AFDN: variants seen among roughly 807,000 people sequenced by gnomAD.
AFDN encodes afadin.
In AFDN, 68 loss-of-function variants were observed where a neutral mutation model predicts 216.6. The observed-to-expected ratio is 0.31, with a 90% CI of 0.26 to 0.38. The LOEUF is 0.38. Among genes scored for constraint, AFDN ranks in the 10% least tolerant of loss-of-function variants. The pLI, the probability that AFDN is intolerant of heterozygous loss-of-function variation, is 1.00. For missense variants in AFDN, 2,136 were observed against 2,342.0 expected, an observed-to-expected ratio of 0.91 and a Z score of 1.82; for synonymous variants, 868 against 853.7, an observed-to-expected ratio of 1.02 and a Z score of -0.29.
At chr6:167,887,350 A>G (rs905321387) in intron 6 of AFDN, among the ~76,000 whole-genome samples, 2 of 144,720 alleles carry the variant, frequency 1.4e-5, no homozygotes, top group Admixed American at 6.7e-5. Flanking sequence ...CTGTTCTGTT[A>G]TTTCCTAACC....
chr6:167,951,739 C>T lies in AFDN; in HGVS notation c.4385C>T (p.Ser1462Phe). 1 of 1,614,148 alleles carries T rather than the reference C, an allele frequency of 6.2e-7. No individual in the cohort carries two copies. The highest frequency in any genetic ancestry group is 8.5e-7 in the Non-Finnish European group (1 of 1,180,016). Residue 1462 changes from serine (S) to phenylalanine (F), a missense_variant, in exon 30 of 34, where the codon TCT becomes TTT. Physicochemically the swap from Ser to Phe is radical, Grantham distance 155. This residue lies in a region of AFDN where 981 missense variants were observed against 966.0 expected (regional missense o/e 1.02). Coordinates refer to ENST00000683244, the MANE Select transcript of AFDN (RefSeq NM_001386888.1). The surrounding 1 kb of genome is among the most constrained non-coding windows in gnomAD (Gnocchi z 7.1). ...RTQSLNPAPF[S>F]PLTAQQMKPE... Reference sequence around the variant, plus strand: ...CAGTCCTTAAACCCTGCTCCGTTTTCTCCCCTGACTGCACAGCAGATGAAG... The same window carrying T: ...CAGTCCTTAAACCCTGCTCCGTTTTTTCCCCTGACTGCACAGCAGATGAAG...
At chr6:167,856,201 A>C (rs1782880557) in intron 1 of AFDN, among the ~76,000 whole-genome samples, 1 of 152,124 alleles carries the variant, frequency 6.6e-6, no homozygotes, top group South Asian at 2.1e-4. Flanking sequence ...GGGCCACAAA[A>C]TGCAAGAGGG....
chr6:167,840,664 A>C (rs1337562639), intron 1 of AFDN, among the ~76,000 whole-genome samples: 1 of 152,208 alleles, frequency 6.6e-6, no homozygotes, highest in Non-Finnish European at 1.5e-5. Context: ...GTGACTGAGA[A>C]GAGTACTATA....
intron 1 of AFDN, among the ~76,000 whole-genome samples, chr6:167,829,679 GT>G (rs950128209): frequency 9.5e-4 from 137 of 144,972 alleles, no homozygotes; most frequent in African/African-American, 3.1e-3. Flanking sequence ...TTCTTTTGTT[GT>G]TTTTTTTTTG....
At chr6:167,849,776 T>TGGTTCTTTTCA (rs1782095960) in intron 1 of AFDN, among the ~76,000 whole-genome samples, 1 of 152,228 alleles carries the variant, frequency 6.6e-6, no homozygotes, top group Admixed American at 6.5e-5. Context: ...CTTCACTGAT[T>TGGTTCTTTTCA]GGTTCTTTTC....
At chr6:167,915,576 A>T (rs1790952249) in intron 19 of AFDN, 143 bp downstream of exon 19, 1 of 932,590 alleles carries the variant, frequency 1.1e-6, no homozygotes, top group East Asian at 2.7e-5. Context: ...AAGTAGTGCT[A>T]TGTGAGTACT....
intron 4 of AFDN, among the ~76,000 whole-genome samples, chr6:167,873,517 G>A (rs1273251840): frequency 6.6e-6 from 1 of 152,106 alleles, no homozygotes; most frequent in Non-Finnish European, 1.5e-5. Flanking sequence ...GAATATCCTT[G>A]TTCTACGACT....
chr6:167,895,925 C>T (rs1246140484), intron 9 of AFDN, among the ~76,000 whole-genome samples: 1 of 152,156 alleles, frequency 6.6e-6, no homozygotes, highest in Non-Finnish European at 1.5e-5. Flanking sequence ...AGACTGACTG[C>T]CATGGCTATG....
chr6:167,911,944 C>T (rs9364206), intron 15 of AFDN: 57,968 of 176,226 alleles, frequency 0.33, 10,894 homozygotes, highest in East Asian at 0.6. Context: ...GGGTTTTTCT[C>T]TTCCCCCGTT....
intron 28 of AFDN, 149 bp from the exon 29 acceptor site, chr6:167,948,144 A>G: frequency 1.2e-6 from 1 of 800,794 alleles, no homozygotes; most frequent in Non-Finnish European, 1.9e-6. Context: ...GGCAAAATGA[A>G]ATGTTATTTA....
intron 21 of AFDN, among the ~76,000 whole-genome samples, chr6:167,922,241 C>T (rs1791918349): frequency 2.6e-5 from 4 of 152,174 alleles, no homozygotes; most frequent in Admixed American, 2.6e-4. Context: ...CAAAGCATGT[C>T]ATTTGTCCCT....
chr6:167,846,253 C>G (rs1173254942), intron 1 of AFDN, among the ~76,000 whole-genome samples: 2 of 151,940 alleles, frequency 1.3e-5, no homozygotes, highest in Non-Finnish European at 2.9e-5. Context: ...CTCTCTGTGA[C>G]TGGACTGCGT....
rs1235869954 is a variant in AFDN, at chr6:167,914,323, A to G, written c.2204+10A>G. 3.1e-6 allele frequency: 5 copies of G among 1,613,440 alleles called. No homozygotes were observed. In the African/African-American group the frequency reaches 6.7e-5, roughly 22 times the overall value. On this transcript the variant is annotated intron_variant, in intron 17 of 33. Coordinates refer to ENST00000683244, the MANE Select transcript of AFDN (RefSeq NM_001386888.1). ...TTCAAATGGCATTTAAGTAAGGAACACATTTTTGAAGGCGGCACTACTCTA... is the reference window on the plus strand; with the variant it reads ...TTCAAATGGCATTTAAGTAAGGAACGCATTTTTGAAGGCGGCACTACTCTA...
At chr6:167,917,687 C>G (rs1791263831) in intron 20 of AFDN, among the ~76,000 whole-genome samples, 2 of 152,124 alleles carry the variant, frequency 1.3e-5, no homozygotes, top group Non-Finnish European at 2.9e-5. Context: ...CCACTGTTAG[C>G]TATTTATAAA....
At chr6:167,960,973 T>C (rs1796976519) in intron 30 of AFDN, among the ~76,000 whole-genome samples, 1 of 152,148 alleles carries the variant, frequency 6.6e-6, no homozygotes. Flanking sequence ...TTTATTGACA[T>C]GAAAAAGCCT....
At chr6:167,910,932 A>G (rs1011490637) in intron 13 of AFDN, among the ~76,000 whole-genome samples, 169 bp from the exon 14 acceptor site, 1 of 152,194 alleles carries the variant, frequency 6.6e-6, no homozygotes, top group Non-Finnish European at 1.5e-5. Flanking sequence ...ATCACTCCCA[A>G]TGCATTATTT....
chr6:167,844,849 C>CTTT lies in AFDN; in HGVS notation c.105+17631_105+17633dup, dbSNP rs67495555. 1.6e-3 allele frequency among the ~76,000 whole-genome samples: 201 copies of CTTT among 127,642 alleles called. 3 individuals are homozygous for CTTT. Among genetic ancestry groups the CTTT allele is most frequent in the African/African-American group, 5.3e-3 (184 of 34,832 alleles). 83.7% of individuals were successfully genotyped at this position (127,642 alleles called of 152,430 possible). On this transcript the variant is annotated intron_variant, in intron 1 of 33. Transcript: ENST00000683244. ...TTGAGAATGAGCATCCTTTTCTTTTCTTTTTTTTTTTTTTTTTTTTTGGTT... is the reference window on the plus strand; with the variant it reads ...TTGAGAATGAGCATCCTTTTCTTTTCTTTTTTTTTTTTTTTTTTTTTTTTGGTT...
intron 23 of AFDN, among the ~76,000 whole-genome samples, chr6:167,938,527 T>C (rs1242109930): frequency 6.6e-6 from 1 of 152,130 alleles, no homozygotes; most frequent in African/African-American, 2.4e-5. Flanking sequence ...TATTTAAAGA[T>C]AGGGAGTGCA....
intron 28 of AFDN, 125 bp downstream of exon 28, chr6:167,948,069 C>A: frequency 1.2e-6 from 1 of 827,524 alleles, no homozygotes; most frequent in Non-Finnish European, 1.9e-6. Context: ...TCTAAATTTG[C>A]AGTGTTTTAT....
Sources: gnomAD v4.1 joint callset for allele counts (sites outside exome capture counted in the v4.1 genomes callset) on GRCh38, gnomAD v4.1.1 for gene constraint, gnomAD v4.1.1 regional missense constraint, Gnocchi (gnomAD v3.1) non-coding constraint, MANE v1.5 for transcripts, NCBI Gene and HGNC (gene_info 2026-07-23, HGNC 2026-07-21) for gene names.